The following NTRK2 variants were observed in gnomAD, a reference collection of about 807,000 sequenced individuals.
NTRK2 encodes BDNF/NT-3 growth factors receptor.
In NTRK2, 13 loss-of-function variants were observed where a neutral mutation model predicts 94.5. The ratio of observed to expected loss-of-function variants is 0.14; its 90% confidence interval spans 0.09 to 0.22. The LOEUF (loss-of-function observed/expected upper bound fraction) is 0.22, where lower values mean the gene tolerates loss of function less well. Among genes scored for constraint, NTRK2 ranks in the 10% least tolerant of loss-of-function variants. The pLI, the probability that NTRK2 is intolerant of heterozygous loss-of-function variation, is 1.00. For synonymous variants in NTRK2, 372 were observed against 407.4 expected, an observed-to-expected ratio of 0.91 and a Z score of 1.05; for missense variants, 639 against 1,071.2, an observed-to-expected ratio of 0.60 and a Z score of 5.63.
intron 14 of NTRK2, among the ~76,000 whole-genome samples, chr9:84,891,135 T>C (rs1344818937): frequency 1.3e-5 from 2 of 152,046 alleles, no homozygotes; most frequent in Non-Finnish European, 2.9e-5. Context: ...TAGTTGGTGA[T>C]TGCTGGCAGG....
chr9:84,984,196 G>A (rs934335911), intron 17 of NTRK2, among the ~76,000 whole-genome samples: 1 of 152,096 alleles, frequency 6.6e-6, no homozygotes, highest in African/African-American at 2.4e-5. Context: ...TTCAGGGCCG[G>A]GCATGTTGGC....
chr9:84,831,366 A>C (rs1460336184), intron 12 of NTRK2, among the ~76,000 whole-genome samples: 1 of 152,074 alleles, frequency 6.6e-6, no homozygotes, highest in Non-Finnish European at 1.5e-5. Flanking sequence ...TCTTTGCTTT[A>C]GTGTTTATAT....
intron 9 of NTRK2, among the ~76,000 whole-genome samples, chr9:84,730,900 A>G (rs913369903): frequency 6.6e-6 from 1 of 151,684 alleles, no homozygotes; most frequent in African/African-American, 2.4e-5. Context: ...ATCATATGAT[A>G]ATTGATGAAG....
chr9:84,866,825 C>G (rs1485729512), intron 13 of NTRK2, among the ~76,000 whole-genome samples: 1 of 152,118 alleles, frequency 6.6e-6, no homozygotes, highest in African/African-American at 2.4e-5. Flanking sequence ...TGTCCACCAA[C>G]AGATGAATGG....
chr9:84,872,320 A>T, intron 14 of NTRK2: 1 of 1,104,314 alleles, frequency 9.1e-7, no homozygotes, highest in South Asian at 3.9e-5. Context: ...AACAAAACAT[A>T]CTAACCAGCA....
At chr9:84,845,248 TATAC>T (rs1249938562) in intron 12 of NTRK2, among the ~76,000 whole-genome samples, 1 of 87,366 alleles carries the variant, frequency 1.1e-5, no homozygotes, top group Non-Finnish European at 2.2e-5. Context: ...AAATGTGGTG[TATAC>T]ACACACACAC....
At chr9:84,686,803 G>T (rs1280329713) in intron 2 of NTRK2, among the ~76,000 whole-genome samples, 1 of 152,114 alleles carries the variant, frequency 6.6e-6, no homozygotes, top group Non-Finnish European at 1.5e-5. Context: ...ATAGGTGCTT[G>T]CAAAACTCAT....
chr9:84,789,437 C>T (rs1225204091), intron 12 of NTRK2, among the ~76,000 whole-genome samples: 1 of 152,150 alleles, frequency 6.6e-6, no homozygotes, highest in African/African-American at 2.4e-5. Flanking sequence ...GCTGACCTGG[C>T]CCTCAGAGGC....
At position 84,670,368 on chromosome 9, in the gene NTRK2, T is replaced by G; in HGVS notation, c.-372-9T>G. The G allele has an allele frequency of 5.3e-6, 2 of 379,552 alleles. No individual in the cohort carries two copies. Among genetic ancestry groups the G allele is most frequent in the Non-Finnish European group, 4.8e-6 (1 of 206,222 alleles). 23.5% of individuals were successfully genotyped at this position (379,552 alleles called of 1,614,324 possible). ...ACGCTCAGTCTTACGCGTGTCTGTT[T>G]GTCCTCAGCCTCGAGGTGCATACCG... On this transcript the variant is annotated splice_polypyrimidine_tract_variant and intron_variant, in intron 1 of 18. Transcript: ENST00000277120.
At chr9:84,945,923 C>T (rs1263370613) in intron 15 of NTRK2, among the ~76,000 whole-genome samples, 1 of 152,092 alleles carries the variant, frequency 6.6e-6, no homozygotes, top group Non-Finnish European at 1.5e-5. Flanking sequence ...CTAATAAATG[C>T]CTCACCTGCT....
intron 14 of NTRK2, among the ~76,000 whole-genome samples, chr9:84,925,790 G>C (rs893406533): frequency 6.6e-6 from 1 of 152,176 alleles, no homozygotes; most frequent in African/African-American, 2.4e-5. Flanking sequence ...CTTGCTTCCA[G>C]TTTTAGTCCA....
intron 14 of NTRK2, chr9:84,877,132 C>A (rs2076095980): frequency 9.4e-7 from 1 of 1,064,708 alleles, no homozygotes; most frequent in African/African-American, 1.6e-5. Flanking sequence ...TGTGTATATG[C>A]TCTGCCACTT....
At chr9:84,718,812 T>G (rs2061876009) in intron 6 of NTRK2, among the ~76,000 whole-genome samples, 1 of 152,230 alleles carries the variant, frequency 6.6e-6, no homozygotes, top group Admixed American at 6.5e-5. Flanking sequence ...ATTTTTATTG[T>G]GCTAATTAAA....
chr9:84,745,161 T>A, intron 11 of NTRK2, 88 bp downstream of exon 11: 1 of 892,088 alleles, frequency 1.1e-6, no homozygotes, highest in Non-Finnish European at 1.9e-6. Flanking sequence ...AATAAGACAC[T>A]TTTATTGTTC....
intron 12 of NTRK2, among the ~76,000 whole-genome samples, chr9:84,768,222 T>A (rs2066212037): frequency 6.6e-6 from 1 of 152,206 alleles, no homozygotes; most frequent in Admixed American, 6.5e-5. Flanking sequence ...AGATTCAGAA[T>A]TTTCAGAATT....
intron 12 of NTRK2, among the ~76,000 whole-genome samples, chr9:84,781,977 A>C (rs2067617160): frequency 6.6e-6 from 1 of 152,074 alleles, no homozygotes; most frequent in Non-Finnish European, 1.5e-5. Context: ...AGGGTGTTCT[A>C]AAACTAAATA....
chr9:84,847,626 C>T (rs2074535109), intron 12 of NTRK2, among the ~76,000 whole-genome samples: 1 of 152,204 alleles, frequency 6.6e-6, no homozygotes, highest in Non-Finnish European at 1.5e-5. Flanking sequence ...CCTTCGAACA[C>T]ACATCATAGA....
intron 2 of NTRK2, among the ~76,000 whole-genome samples, chr9:84,675,323 C>CTTT (rs1564023863): frequency 1.7e-4 from 12 of 69,560 alleles, no homozygotes; most frequent in African/African-American, 5.6e-4. Flanking sequence ...TTCTTTCTTT[C>CTTT]CTTTTTTTTT....
At chr9:84,815,542 T>A in intron 12 of NTRK2, 1 of 1,018,456 alleles carries the variant, frequency 9.8e-7, no homozygotes, top group Non-Finnish European at 1.2e-6. Flanking sequence ...TTTCCTATAA[T>A]GTTCTGGGTT....
Sources: gnomAD v4.1 joint callset for allele counts (sites outside exome capture counted in the v4.1 genomes callset) on GRCh38, gnomAD v4.1.1 for gene constraint, MANE v1.5 for transcripts, NCBI Gene and HGNC (gene_info 2026-07-23, HGNC 2026-07-21) for gene names.